LRRN2: variants seen among roughly 807,000 people sequenced by gnomAD.
The protein encoded by LRRN2 is leucine-rich repeat neuronal protein 2.
Under a neutral mutation model 35.7 loss-of-function variants are expected in LRRN2, and 10 were observed. The ratio of observed to expected loss-of-function variants is 0.28; its 90% CI spans 0.17 to 0.47. The LOEUF is 0.47. LRRN2 is among the 20% of genes least tolerant of loss of function. The probability of loss-of-function intolerance (pLI) is 0.99; values close to 1 mark genes in which losing one functional copy is unlikely to be tolerated. For synonymous variants in LRRN2, 391 were observed against 409.6 expected (o/e 0.95, Z 0.55); for missense variants, 731 against 940.3 (o/e 0.78, Z 2.91).
chr1:204,635,788 C>G, intron 1 of LRRN2, among the ~76,000 whole-genome samples: 1 of 152,174 alleles, frequency 6.6e-6, no homozygotes, highest in East Asian at 1.9e-4. Flanking sequence ...CAGGTGGTCT[C>G]AGAATTTTGG....
At chr1:204,655,878 A>T (rs1305459763) in intron 1 of LRRN2, among the ~76,000 whole-genome samples, 1 of 152,076 alleles carries the variant, frequency 6.6e-6, no homozygotes, top group East Asian at 1.9e-4. Flanking sequence ...TCCACGCTCC[A>T]TATCTTTCCT....
chr1:204,666,962 CAAAAAA>C lies in LRRN2; in HGVS notation c.-227+18352_-227+18357del, dbSNP rs34503593. On this transcript the variant is annotated intron_variant, in intron 1 of 1. Coordinates refer to ENST00000367177, the MANE Select transcript of LRRN2 (RefSeq NM_201630.2). ...GGATGCCAGAGTGAAACTCTGTCTC[CAAAAAA>C]AAAAAAAAAAAAAAAAAAGCCAACA... is the stretch of plus-strand genomic sequence containing the variant. Among the ~76,000 whole-genome samples, 15 of 64,836 alleles carry C rather than the reference CAAAAAA, an allele frequency of 2.3e-4. 1 individual carries two copies. The highest frequency in any genetic ancestry group is 8.6e-4 in the African/African-American group (13 of 15,032). The allele number at this position is 64,836 out of a possible 152,430, so 42.5% of individuals were successfully genotyped here. A position where few individuals can be genotyped will look rare whatever the true frequency, so the allele number is the denominator to read the frequency against.
chr1:204,665,465 G>A (rs538614458), intron 1 of LRRN2, among the ~76,000 whole-genome samples: 16 of 152,210 alleles, frequency 1.1e-4, no homozygotes, highest in Admixed American at 7.8e-4. Context: ...GGGGTGAGTC[G>A]ACATCATTAG....
chr1:204,643,027 C>G (rs1476538994), intron 1 of LRRN2, among the ~76,000 whole-genome samples: 1 of 152,156 alleles, frequency 6.6e-6, no homozygotes, highest in African/African-American at 2.4e-5. Flanking sequence ...CATGAAGAAC[C>G]CTGAGTGATT....
In LRRN2 at chr1:204,620,359, C is replaced by T. The variant is rs115618379; in HGVS notation, c.-226-141G>A. 1,948 of 344,622 alleles carry T rather than the reference C, an allele frequency of 5.7e-3. 44 individuals carry two copies. Among genetic ancestry groups the T allele is most frequent in the African/African-American group, 0.039 (1,781 of 45,892 alleles). 21.3% of individuals were successfully genotyped at this position (344,622 alleles called of 1,614,324 possible). A position where few individuals can be genotyped will look rare whatever the true frequency, so the allele number is the denominator to read the frequency against. ...GGTGCACTCAGCTGACTGCATCCTC[C>T]GCCTCCTGGATTCAAGCGATTCTCC... On this transcript the variant is annotated intron_variant, in intron 1 of 1. Transcript: ENST00000367177.
Position 204,676,139 on chromosome 1 carries a change from C to CGTGTGTGT in LRRN2, c.-227+9173_-227+9180dup, listed in dbSNP as rs56189865. Among the ~76,000 whole-genome samples, 1,010 of 148,954 alleles carry CGTGTGTGT rather than the reference C, an allele frequency of 6.8e-3. 11 individuals carry two copies. The highest frequency in any genetic ancestry group is 0.024 in the African/African-American group (951 of 40,394). Reference sequence around the variant, plus strand: ...ATTTCCATGCAAGGTTACATGGAGCCGTGTGTGTGTGTGTGTGTGTGTGTG... The same window carrying CGTGTGTGT: ...ATTTCCATGCAAGGTTACATGGAGCCGTGTGTGTGTGTGTGTGTGTGTGTGTGTGTGTG... On this transcript the variant is annotated intron_variant, in intron 1 of 1. Transcript: ENST00000367177.
chr1:204,663,699 G>A (rs984913730), intron 1 of LRRN2, among the ~76,000 whole-genome samples: 1 of 152,126 alleles, frequency 6.6e-6, no homozygotes, highest in Non-Finnish European at 1.5e-5. Flanking sequence ...GTTATCCTGT[G>A]CGCTGCTTGT....
At chr1:204,639,550 G>A (rs1332902682) in intron 1 of LRRN2, among the ~76,000 whole-genome samples, 1 of 152,212 alleles carries the variant, frequency 6.6e-6, no homozygotes, top group Non-Finnish European at 1.5e-5. Context: ...TAAGGCAGGA[G>A]GATTGCTTGA....
rs149995021 is a variant in LRRN2, at chr1:204,618,818, G to A, written c.1175C>T (p.Pro392Leu). Residue 392 changes from proline to leucine, a missense_variant, in exon 2 of 2, where the codon CCG becomes CTG. This residue lies in a region of LRRN2 where 256 missense variants were observed against 392.4 expected (regional missense o/e 0.65). Coordinates refer to ENST00000367177, the MANE Select transcript of LRRN2 (RefSeq NM_201630.2). ...ATGTRVRFIE[P>L]QSTLCAEPPD... ...AGGCTCCGCACACAGGGTGGATTGC[G>A]GCTCGATGAAGCGGACACGGGTGCC... 1.2e-6 allele frequency: 2 copies of A among 1,614,096 alleles called. No individual in the cohort carries two copies. Among genetic ancestry groups the A allele is most frequent in the Non-Finnish European group, 1.7e-6 (2 of 1,180,030 alleles).
At chr1:204,626,090 T>C (rs1453024034) in intron 1 of LRRN2, among the ~76,000 whole-genome samples, 1 of 152,028 alleles carries the variant, frequency 6.6e-6, no homozygotes, top group Non-Finnish European at 1.5e-5. Flanking sequence ...AGACCTGCAC[T>C]CCTAACCATC....
intron 1 of LRRN2, among the ~76,000 whole-genome samples, chr1:204,650,312 A>C (rs1668195668): frequency 6.6e-6 from 1 of 152,222 alleles, no homozygotes; most frequent in Non-Finnish European, 1.5e-5. Flanking sequence ...ATCATTTTGC[A>C]GACTGGGGAA....
intron 1 of LRRN2, among the ~76,000 whole-genome samples, chr1:204,657,791 T>A (rs932043984): frequency 6.6e-6 from 1 of 152,126 alleles, no homozygotes; most frequent in African/African-American, 2.4e-5. Context: ...GTGGGTATAA[T>A]GTCGTCTCTC....
chr1:204,660,281 G>A (rs1176321292), intron 1 of LRRN2, among the ~76,000 whole-genome samples: 1 of 151,338 alleles, frequency 6.6e-6, no homozygotes, highest in Admixed American at 6.6e-5. Context: ...CCTTCCTCCT[G>A]TTTATAGATG....
chr1:204,660,020 C>T (rs1668437644), intron 1 of LRRN2, among the ~76,000 whole-genome samples: 1 of 152,212 alleles, frequency 6.6e-6, no homozygotes, highest in South Asian at 2.1e-4. Flanking sequence ...CCTGCCAGGC[C>T]CACTCCTTGA....
chr1:204,646,367 C>T (rs530141643), intron 1 of LRRN2, among the ~76,000 whole-genome samples: 2 of 152,146 alleles, frequency 1.3e-5, no homozygotes, highest in East Asian at 3.9e-4. Flanking sequence ...AGTGAACGTT[C>T]TTTTCAAAAA....
intron 1 of LRRN2, among the ~76,000 whole-genome samples, chr1:204,669,798 T>A (rs2102624622): frequency 6.6e-6 from 1 of 152,264 alleles, no homozygotes; most frequent in East Asian, 1.9e-4. Flanking sequence ...GGAGTGGGGA[T>A]GCCTCAGTGC....
chr1:204,681,912 T>C (rs1431162780), intron 1 of LRRN2, among the ~76,000 whole-genome samples: 1 of 152,238 alleles, frequency 6.6e-6, no homozygotes, highest in Non-Finnish European at 1.5e-5. Context: ...AAAGTGTTTT[T>C]TGTTTCTCAG....
At chr1:204,678,993 T>G (rs2102245090) in intron 1 of LRRN2, among the ~76,000 whole-genome samples, 1 of 152,282 alleles carries the variant, frequency 6.6e-6, no homozygotes, top group South Asian at 2.1e-4. Context: ...GCCTCACAAA[T>G]ACTTGCTGAA....
At position 204,619,303 on chromosome 1, in the gene LRRN2, G is replaced by C; in HGVS notation, c.690C>G (p.Asp230Glu). Residue 230 changes from aspartate to glutamate, a missense_variant, in exon 2 of 2, where the codon GAC becomes GAG. This residue lies in a region of LRRN2 where 256 missense variants were observed against 392.4 expected (regional missense o/e 0.65). Coordinates refer to ENST00000367177, the MANE Select transcript of LRRN2 (RefSeq NM_201630.2). ...GGCTTTGCAGCCCCTCCAGGGCATAGTCGGAGATCTCCCGCAGGTTCATGC... is the reference window on the plus strand; with the variant it reads ...GGCTTTGCAGCCCCTCCAGGGCATACTCGGAGATCTCCCGCAGGTTCATGC... Reference protein sequence around the residue: ...LAGMNLREISDYALEGLQSLE... With the variant: ...LAGMNLREISEYALEGLQSLE... The C allele has an allele frequency of 6.2e-7, 1 of 1,614,212 alleles. No homozygotes were observed. The highest frequency in any genetic ancestry group is 8.5e-7 in the Non-Finnish European group (1 of 1,180,040).
Sources: gnomAD v4.1 joint callset for allele counts (sites outside exome capture counted in the v4.1 genomes callset) on GRCh38, gnomAD v4.1.1 for gene constraint, gnomAD v4.1.1 regional missense constraint, MANE v1.5 for transcripts, NCBI Gene and HGNC (gene_info 2026-07-23, HGNC 2026-07-21) for gene names.